IPP: variants seen among roughly 807,000 people sequenced by gnomAD.
IPP encodes actin-binding protein IPP.
IPP carries 41 observed loss-of-function variants against 64.1 expected under a neutral mutation model. The observed-to-expected ratio is 0.64, with a 90% CI of 0.50 to 0.83. IPP has a LOEUF of 0.83. Among genes scored for constraint, IPP ranks in the 40% least tolerant of loss-of-function variants. The probability of loss-of-function intolerance (pLI) is 0.00; values close to 1 mark genes in which losing one functional copy is unlikely to be tolerated. For missense variants in IPP, 649 were observed against 703.0 expected, an observed-to-expected ratio of 0.92 and a Z score of 0.87; for synonymous variants, 214 against 235.2, an observed-to-expected ratio of 0.91 and a Z score of 0.83.
intron 3 of IPP, among the ~76,000 whole-genome samples, chr1:45,737,348 C>G (rs1490616582): frequency 6.6e-6 from 1 of 151,898 alleles, no homozygotes; most frequent in African/African-American, 2.4e-5. Context: ...GTATTTGTAA[C>G]CCCAAAATTA....
chr1:45,715,542 G>A (rs1176029394), intron 7 of IPP, among the ~76,000 whole-genome samples: 3 of 151,772 alleles, frequency 2.0e-5, no homozygotes, highest in Non-Finnish European at 4.4e-5. Flanking sequence ...TCAGGAGGCT[G>A]AGGCAGGAGA....
chr1:45,740,557 C>G (rs1351943821), intron 3 of IPP, among the ~76,000 whole-genome samples: 1 of 152,138 alleles, frequency 6.6e-6, no homozygotes, highest in Non-Finnish European at 1.5e-5. Flanking sequence ...GGGCTGACCC[C>G]CCCTAGGAAA....
intron 2 of IPP, 123 bp from the exon 3 acceptor site, chr1:45,741,455 A>G (rs1646064805): frequency 1.5e-6 from 1 of 653,952 alleles, no homozygotes; most frequent in Non-Finnish European, 2.6e-6. Context: ...CAGACACTAA[A>G]AAAGGCAATC....
chr1:45,704,241 CTT>C (rs1043202416), intron 8 of IPP, among the ~76,000 whole-genome samples: 12 of 142,834 alleles, frequency 8.4e-5, no homozygotes, highest in Admixed American at 2.1e-4. Flanking sequence ...GAAGCAAAGT[CTT>C]TTTTTTTTTT....
At chr1:45,738,839 C>CAAAAAA (rs752168393) in intron 3 of IPP, among the ~76,000 whole-genome samples, 2 of 7,688 alleles carry the variant, frequency 2.6e-4, no homozygotes, top group Non-Finnish European at 3.7e-4. Context: ...GACTCCATCT[C>CAAAAAA]AAAAAAAAAA....
chr1:45,740,921 C>A lies in IPP; in HGVS notation c.704G>T (p.Arg235Ile). The A allele has an allele frequency of 6.3e-7, 1 of 1,599,052 alleles. No individual in the cohort carries two copies. The highest frequency in any genetic ancestry group is 8.5e-7 in the Non-Finnish European group (1 of 1,174,184). Residue 235 changes from arginine (R) to isoleucine (I), a missense_variant, in exon 3 of 9, where the codon AGA becomes ATA. Transcript: ENST00000396478. ...PIRFPLLPPQRLLKYIEGVSD... is the reference protein window; with the variant it reads ...PIRFPLLPPQILLKYIEGVSD... Reference sequence around the variant, plus strand: ...GTTACCTTCTATATACTTTAAAAGTCTCTGAGGAGGTAATAAAGGGAATCG... The same window carrying A: ...GTTACCTTCTATATACTTTAAAAGTATCTGAGGAGGTAATAAAGGGAATCG...
intron 3 of IPP, among the ~76,000 whole-genome samples, chr1:45,740,129 A>G (rs1646039901): frequency 6.6e-6 from 1 of 152,210 alleles, no homozygotes; most frequent in Admixed American, 6.5e-5. Context: ...CAGAGAGCAC[A>G]GGGTTGGGGG....
chr1:45,725,555 C>A (rs1645811501), intron 5 of IPP, among the ~76,000 whole-genome samples: 1 of 137,590 alleles, frequency 7.3e-6, no homozygotes, highest in East Asian at 2.4e-4. Context: ...GTGAGGAGCC[C>A]CTCTGCCCGG....
chr1:45,744,637 G>A (rs1646110610), intron 2 of IPP, among the ~76,000 whole-genome samples: 1 of 151,990 alleles, frequency 6.6e-6, no homozygotes, highest in Admixed American at 6.6e-5. Context: ...TCAAGAGATC[G>A]AGACCATCCT....
downstream of IPP, chr1:45,697,995 T>G (rs1645401973): frequency 6.7e-6 from 1 of 148,302 alleles, no homozygotes; most frequent in Non-Finnish European, 1.5e-5. Flanking sequence ...AATCCTTAAG[T>G]CAACTAGTTA....
intron 5 of IPP, among the ~76,000 whole-genome samples, chr1:45,720,878 T>C (rs1301491052): frequency 6.6e-6 from 1 of 152,102 alleles, no homozygotes; most frequent in Non-Finnish European, 1.5e-5. Context: ...GGAAAAACTA[T>C]AAAACTGTAT....
At chr1:45,747,725 G>T (rs1299630777) in intron 1 of IPP, among the ~76,000 whole-genome samples, 1 of 151,330 alleles carries the variant, frequency 6.6e-6, no homozygotes, top group East Asian at 1.9e-4. Context: ...CTACTTGGGA[G>T]GCTGAGGCAC....
rs78627575 is a variant in IPP at position 45,698,717 on chromosome 1, CTTTTTT to C, written c.*1243_*1248del. 5.0e-4 allele frequency: 371 copies of C among 743,756 alleles called. No homozygotes were observed. The highest frequency in any genetic ancestry group is 6.6e-4 in the Middle Eastern group (1 of 1,514). 46.1% of individuals were successfully genotyped at this position (743,756 alleles called of 1,614,324 possible). A position where few individuals can be genotyped will look rare whatever the true frequency, so the allele number is the denominator to read the frequency against. ...AGCAAAAAAGGAAGAATTTTTTTTT[CTTTTTT>C]TTTTTTTTTTTTTGAGACAGGTTCT... On this transcript the variant is annotated 3_prime_UTR_variant, in exon 9 of 9. Coordinates refer to ENST00000396478, the MANE Select transcript of IPP (RefSeq NM_005897.3).
chr1:45,695,283 G>A (rs1645377390), downstream of IPP, among the ~76,000 whole-genome samples: 1 of 152,156 alleles, frequency 6.6e-6, no homozygotes, highest in African/African-American at 2.4e-5. Context: ...TCCCACCTCA[G>A]CCTCCTGAGT....
chr1:45,739,967 C>T lies in IPP; in HGVS notation c.724+934G>A, dbSNP rs186607732. Among the ~76,000 whole-genome samples, 90 of 152,148 alleles carry T rather than the reference C, an allele frequency of 5.9e-4. No individual in the cohort carries two copies. The East Asian group carries it at 0.013, about 22-fold the overall frequency. Reference sequence around the variant, plus strand: ...CTGGTTTTCTAGGCAGAGGACCCTGCGGCCTTCCGCAGTGTTTGTGTCCCT... The same window carrying T: ...CTGGTTTTCTAGGCAGAGGACCCTGTGGCCTTCCGCAGTGTTTGTGTCCCT... On this transcript the variant is annotated intron_variant, in intron 3 of 8. Transcript: ENST00000396478.
chr1:45,726,160 TA>T (rs71062704), intron 5 of IPP, among the ~76,000 whole-genome samples: 18 of 141,262 alleles, frequency 1.3e-4, no homozygotes, highest in Non-Finnish European at 1.5e-4. Context: ...ACCCCATCTC[TA>T]AAAAAAAAAA....
chr1:45,740,692 G>A (rs1440697752), intron 3 of IPP, among the ~76,000 whole-genome samples: 1 of 152,084 alleles, frequency 6.6e-6, no homozygotes, highest in African/African-American at 2.4e-5. Context: ...TAAAAATAGT[G>A]GGTAGAAATA....
In IPP at chr1:45,746,378, T is replaced by C. The variant is rs1347363124; in HGVS notation, c.34A>G (p.Ser12Gly). 6.2e-7 allele frequency: 1 copy of C among 1,613,838 alleles called. No individual in the cohort carries two copies. Among genetic ancestry groups the C allele is most frequent in the Non-Finnish European group, 8.5e-7 (1 of 1,179,704 alleles). ...GCATGTTTATCTGATGAAAAAGGAC[T>C]ATCAGCAGCCTTGGGACAGTCCTCA... ...ANEDCPKAAD[S>G]PFSSDKHAQL... Residue 12 changes from serine (S) to glycine (G), a missense_variant, in exon 2 of 9, where the codon AGT becomes GGT. Coordinates refer to ENST00000396478, the MANE Select transcript of IPP (RefSeq NM_005897.3).
chr1:45,695,609 T>C (rs1454875887), downstream of IPP, among the ~76,000 whole-genome samples: 4 of 151,492 alleles, frequency 2.6e-5, no homozygotes, highest in Non-Finnish European at 5.9e-5. Context: ...AGGAAAAACA[T>C]TAAAAATGGT....
Sources: allele counts gnomAD v4.1 joint callset (sites outside exome capture counted in the v4.1 genomes callset), GRCh38; gene constraint gnomAD v4.1.1; transcripts MANE v1.5; gene names NCBI Gene and HGNC (gene_info 2026-07-23, HGNC 2026-07-21).